DOK5: variants seen among roughly 807,000 people sequenced by gnomAD.
The protein encoded by DOK5 is downstream of tyrosine kinase 5.
In DOK5, 27 loss-of-function variants were observed where a neutral mutation model predicts 43.3. The ratio of observed to expected loss-of-function variants is 0.62; its 90% CI spans 0.46 to 0.86. The LOEUF is 0.86. Among genes scored for constraint, DOK5 ranks in the 40% least tolerant of loss-of-function variants. The pLI, the probability that DOK5 is intolerant of heterozygous loss-of-function variation, is 0.00. For synonymous variants in DOK5, 146 were observed against 140.1 expected, an observed-to-expected ratio of 1.04 and a Z score of -0.30; for missense variants, 373 against 392.9, an observed-to-expected ratio of 0.95 and a Z score of 0.43.
intron 2 of DOK5, among the ~76,000 whole-genome samples, chr20:54,580,214 A>G (rs1985593814): frequency 6.6e-6 from 1 of 152,188 alleles, no homozygotes; most frequent in East Asian, 1.9e-4. Context: ...AAAGAATATG[A>G]AGAGACACCA....
chr20:54,553,865 C>T (rs1984620159), intron 1 of DOK5, among the ~76,000 whole-genome samples: 1 of 145,064 alleles, frequency 6.9e-6, no homozygotes, highest in South Asian at 2.2e-4. Flanking sequence ...CCACCTCACT[C>T]CAGCCTGGGT....
At chr20:54,614,789 G>A (rs537380810) in intron 6 of DOK5, among the ~76,000 whole-genome samples, 1 of 152,182 alleles carries the variant, frequency 6.6e-6, no homozygotes, top group Non-Finnish European at 1.5e-5. Context: ...GAATCTTAAG[G>A]AGTTAAACGA....
chr20:54,561,967 C>T (rs1984923850), intron 2 of DOK5, among the ~76,000 whole-genome samples: 1 of 152,066 alleles, frequency 6.6e-6, no homozygotes, highest in South Asian at 2.1e-4. Flanking sequence ...ACGTTTAAGC[C>T]TTTATAATGC....
At position 54,647,802 on chromosome 20, in the gene DOK5, A is replaced by G. The variant is rs141816851; in HGVS notation, c.857-2613A>G. Among the ~76,000 whole-genome samples the G allele has an allele frequency of 4.5e-3, 680 of 152,344 alleles. 7 individuals are homozygous for G. The highest frequency in any genetic ancestry group is 0.015 in the African/African-American group (639 of 41,576). ...TTTCAGGGCTCTGAGATGCCCTGCA[A>G]TGAAAAACCTGATTAAACTTGTTTA... is the stretch of plus-strand genomic sequence containing the variant. On this transcript the variant is annotated intron_variant, in intron 7 of 7. Transcript: ENST00000262593.
At chr20:54,581,394 A>G (rs1985633669) in intron 2 of DOK5, among the ~76,000 whole-genome samples, 1 of 126,662 alleles carries the variant, frequency 7.9e-6, no homozygotes, top group African/African-American at 3.9e-5. Context: ...TATTTCTGAA[A>G]AAAAAAAAAG....
chr20:54,568,807 G>C (rs1483511422), intron 2 of DOK5, among the ~76,000 whole-genome samples: 1 of 151,964 alleles, frequency 6.6e-6, no homozygotes, highest in East Asian at 1.9e-4. Flanking sequence ...GCGGGCGCCT[G>C]TAGTCCCAGC....
At chr20:54,490,231 A>G (rs1982110927) in intron 1 of DOK5, among the ~76,000 whole-genome samples, 1 of 152,230 alleles carries the variant, frequency 6.6e-6, no homozygotes, top group South Asian at 2.1e-4. Context: ...CTTTTACCTA[A>G]AAGATAGGAT....
chr20:54,498,004 G>A (rs1356009557), intron 1 of DOK5, among the ~76,000 whole-genome samples: 5 of 152,212 alleles, frequency 3.3e-5, no homozygotes, highest in East Asian at 3.9e-4. Flanking sequence ...TCTCTATGTC[G>A]TAAGGGTACA....
At chr20:54,628,977 G>GA (rs781027262) in intron 6 of DOK5, among the ~76,000 whole-genome samples, 350 of 152,250 alleles carry the variant, frequency 2.3e-3, no homozygotes, top group Admixed American at 3.9e-3. Flanking sequence ...GAAATGCAGG[G>GA]AACATTTTAA....
chr20:54,599,499 G>C (rs1268526079), intron 5 of DOK5, among the ~76,000 whole-genome samples: 1 of 152,120 alleles, frequency 6.6e-6, no homozygotes, highest in Non-Finnish European at 1.5e-5. Context: ...CATGTCTACT[G>C]TCTACCACAC....
chr20:54,568,759 T>C (rs567039424), intron 2 of DOK5, among the ~76,000 whole-genome samples: 3 of 151,976 alleles, frequency 2.0e-5, no homozygotes, highest in African/African-American at 7.2e-5. Flanking sequence ...TGAAACCCCG[T>C]CTCTGCTAAA....
intron 6 of DOK5, among the ~76,000 whole-genome samples, chr20:54,615,318 C>A (rs1986772191): frequency 6.6e-6 from 1 of 152,196 alleles, no homozygotes; most frequent in African/African-American, 2.4e-5. Flanking sequence ...GCATTCTAAT[C>A]TATGCAGTCT....
chr20:54,547,812 A>G (rs1247543002), intron 1 of DOK5, among the ~76,000 whole-genome samples: 2 of 152,232 alleles, frequency 1.3e-5, no homozygotes, highest in Non-Finnish European at 2.9e-5. Context: ...TGATGTGCTT[A>G]TCTGCTTAAG....
intron 6 of DOK5, among the ~76,000 whole-genome samples, chr20:54,631,740 G>C (rs745826657): frequency 1.3e-5 from 2 of 152,134 alleles, no homozygotes; most frequent in Non-Finnish European, 2.9e-5. Context: ...TTGGGAGGCC[G>C]AGGTGGGCGG....
At chr20:54,494,161 T>C (rs1158454275) in intron 1 of DOK5, among the ~76,000 whole-genome samples, 1 of 152,222 alleles carries the variant, frequency 6.6e-6, no homozygotes, top group Admixed American at 6.5e-5. Flanking sequence ...TAACTATCTG[T>C]TGAATGAATG....
At chr20:54,645,031 A>T (rs1165525883) in intron 7 of DOK5, among the ~76,000 whole-genome samples, 1 of 114,060 alleles carries the variant, frequency 8.8e-6, no homozygotes, top group Non-Finnish European at 1.7e-5. Flanking sequence ...TTTTTGAGAC[A>T]GAGTCTCGCT....
chr20:54,504,776 C>T (rs1312992961), intron 1 of DOK5, among the ~76,000 whole-genome samples: 1 of 152,146 alleles, frequency 6.6e-6, no homozygotes, highest in Non-Finnish European at 1.5e-5. Flanking sequence ...CATGGGCACA[C>T]ATCAAAGACA....
At chr20:54,476,881 T>C (rs1468506837) in intron 1 of DOK5, among the ~76,000 whole-genome samples, 1 of 152,070 alleles carries the variant, frequency 6.6e-6, no homozygotes, top group Non-Finnish European at 1.5e-5. Context: ...GACTGAATGA[T>C]GGTGGAAGAA....
chr20:54,502,480 A>G (rs1982646558), intron 1 of DOK5, among the ~76,000 whole-genome samples: 1 of 152,194 alleles, frequency 6.6e-6, no homozygotes, highest in Non-Finnish European at 1.5e-5. Flanking sequence ...TTCAAGAATT[A>G]AAAGTTCAAA....
Sources: gnomAD v4.1 joint callset for allele counts (sites outside exome capture counted in the v4.1 genomes callset) on GRCh38, gnomAD v4.1.1 for gene constraint, MANE v1.5 for transcripts, NCBI Gene and HGNC (gene_info 2026-07-23, HGNC 2026-07-21) for gene names.